Variants in RANBP17 observed in about 807,000 individuals in gnomAD.
RANBP17 encodes ran-binding protein 17.
Under a neutral mutation model 141.2 loss-of-function variants are expected in RANBP17, and 158 were observed. That is an observed-to-expected ratio of 1.12 (90% CI 0.98 to 1.28). RANBP17 has a LOEUF of 1.28. Ranked by LOEUF, RANBP17 falls within the 50% of genes most tolerant of loss-of-function variation. The pLI, the probability that RANBP17 is intolerant of heterozygous loss-of-function variation, is 0.00. For missense variants in RANBP17, 1,438 were observed against 1,290.7 expected (o/e 1.11, Z -1.75); for synonymous variants, 430 against 450.0 (o/e 0.96, Z 0.56).
chr5:170,918,688 C>A (rs371408221), intron 9 of RANBP17, 25 bp from the exon 10 acceptor site: 15 of 1,571,494 alleles, frequency 9.5e-6, no homozygotes, highest in Non-Finnish European at 1.3e-5. Flanking sequence ...TGTTTTTAAG[C>A]CTTTCTTTTT....
At chr5:170,925,666 A>G (rs1183229200) in intron 12 of RANBP17, among the ~76,000 whole-genome samples, 1 of 152,146 alleles carries the variant, frequency 6.6e-6, no homozygotes, top group African/African-American at 2.4e-5. Context: ...ATCAACAGAA[A>G]ATACTTAACA....
At chr5:170,933,985 C>T (rs920499475) in intron 12 of RANBP17, among the ~76,000 whole-genome samples, 2 of 152,004 alleles carry the variant, frequency 1.3e-5, no homozygotes, top group African/African-American at 2.4e-5. Context: ...CTTTCTGTCT[C>T]GTTGATCTGT....
intron 14 of RANBP17, among the ~76,000 whole-genome samples, chr5:171,011,066 C>T (rs1220640917): frequency 1.3e-5 from 2 of 152,020 alleles, no homozygotes; most frequent in African/African-American, 4.8e-5. Context: ...TGAGTCTAAT[C>T]TAACTAATAC....
At chr5:171,269,299 A>G (rs1581156214) in intron 25 of RANBP17, among the ~76,000 whole-genome samples, 1 of 152,286 alleles carries the variant, frequency 6.6e-6, no homozygotes, top group East Asian at 1.9e-4. Flanking sequence ...TCTTCCCTTT[A>G]TGAGGCAGTA....
intron 5 of RANBP17, among the ~76,000 whole-genome samples, chr5:170,907,921 A>G (rs1448772353): frequency 6.6e-6 from 1 of 151,946 alleles, no homozygotes; most frequent in African/African-American, 2.4e-5. Flanking sequence ...AACATGAAGA[A>G]ATGTTCCACA....
At position 171,074,602 on chromosome 5, in the gene RANBP17, G is replaced by A. The variant is rs116627216; in HGVS notation, c.1711-95528G>A. 4.2e-3 allele frequency among the ~76,000 whole-genome samples: 632 copies of A among 152,226 alleles called. 7 individuals carry two copies. The highest frequency in any genetic ancestry group is 0.014 in the African/African-American group (584 of 41,538). On this transcript the variant is annotated intron_variant, in intron 14 of 27. Transcript: ENST00000523189. ...TCTGTACTCTCTTTGCAACTTTCCC[G>A]TAACTTTAAAATTGTTTCAAGACAA...
intron 18 of RANBP17, among the ~76,000 whole-genome samples, chr5:171,187,006 C>T (rs2127931053): frequency 6.6e-6 from 1 of 152,262 alleles, no homozygotes; most frequent in East Asian, 1.9e-4. Flanking sequence ...GTCTTTCTCA[C>T]TAAGGTTAAT....
In RANBP17 at chr5:170,876,367, T is replaced by G. The variant is rs575147591; in HGVS notation, c.19-1730T>G. Among the ~76,000 whole-genome samples, 9 of 152,328 alleles carry G rather than the reference T, an allele frequency of 5.9e-5. No homozygotes were observed. In the East Asian group the frequency reaches 1.7e-3, roughly 29 times the overall value. Reference sequence around the variant, plus strand: ...AGCCTCCGATCGCCACTGCTTCTAGTTGGCCATCTTGACCCCCTATTTTTG... The same window carrying G: ...AGCCTCCGATCGCCACTGCTTCTAGGTGGCCATCTTGACCCCCTATTTTTG... On this transcript the variant is annotated intron_variant, in intron 1 of 27. Transcript: ENST00000523189.
chr5:171,292,977 C>G (rs1244993338), intron 25 of RANBP17, among the ~76,000 whole-genome samples: 1 of 152,234 alleles, frequency 6.6e-6, no homozygotes, highest in Non-Finnish European at 1.5e-5. Context: ...TGGCCCACCT[C>G]TCTTCTCTCC....
chr5:171,250,341 C>A (rs1020450150), intron 24 of RANBP17, among the ~76,000 whole-genome samples: 11 of 152,046 alleles, frequency 7.2e-5, no homozygotes, highest in Non-Finnish European at 1.6e-4. Context: ...GTAAAGCAAT[C>A]ACACAAAGAG....
intron 24 of RANBP17, among the ~76,000 whole-genome samples, chr5:171,245,325 T>G (rs940305068): frequency 6.6e-6 from 1 of 152,176 alleles, no homozygotes; most frequent in Non-Finnish European, 1.5e-5. Flanking sequence ...TTGGTTTTTA[T>G]TTTTTGGAGA....
chr5:171,210,167 C>T (rs765066021), intron 20 of RANBP17, among the ~76,000 whole-genome samples: 1 of 152,182 alleles, frequency 6.6e-6, no homozygotes, highest in Non-Finnish European at 1.5e-5. Flanking sequence ...CCATTCTCTT[C>T]TTCCTACTCA....
chr5:171,259,210 C>CA (rs1233992201), intron 24 of RANBP17, among the ~76,000 whole-genome samples: 3 of 151,924 alleles, frequency 2.0e-5, no homozygotes, highest in South Asian at 2.1e-4. Flanking sequence ...ATTAAAAAGG[C>CA]AAAAAAGAGC....
intron 5 of RANBP17, among the ~76,000 whole-genome samples, chr5:170,898,096 G>T (rs998177717): frequency 6.6e-6 from 1 of 152,048 alleles, no homozygotes; most frequent in East Asian, 1.9e-4. Context: ...TTTAATGATC[G>T]CAATTCTAGC....
chr5:170,915,600 T>C (rs1771886152), intron 8 of RANBP17, among the ~76,000 whole-genome samples: 2 of 152,050 alleles, frequency 1.3e-5, no homozygotes. Flanking sequence ...AAAAAGGGCG[T>C]CATTTGATTT....
At chr5:170,876,352 C>T (rs555222291) in intron 1 of RANBP17, among the ~76,000 whole-genome samples, 4 of 152,094 alleles carry the variant, frequency 2.6e-5, no homozygotes, top group East Asian at 1.9e-4. Context: ...AGCCTCCGAT[C>T]GCCACTGCTT....
intron 14 of RANBP17, among the ~76,000 whole-genome samples, chr5:171,150,146 G>A (rs1376988322): frequency 6.6e-6 from 1 of 152,124 alleles, no homozygotes; most frequent in Non-Finnish European, 1.5e-5. Flanking sequence ...TTTGAAAGTA[G>A]TTGGGAATTT....
intron 14 of RANBP17, among the ~76,000 whole-genome samples, chr5:171,057,781 A>G (rs1485665437): frequency 6.6e-6 from 1 of 152,142 alleles, no homozygotes; most frequent in East Asian, 1.9e-4. Context: ...GAGTGCAAGC[A>G]GGGGTAATGC....
At chr5:171,195,351 A>G (rs76223069) in intron 18 of RANBP17, among the ~76,000 whole-genome samples, 143 of 152,360 alleles carry the variant, frequency 9.4e-4, no homozygotes, top group African/African-American at 3.4e-3. Context: ...TGATACCTGT[A>G]TGGTAATACA....
Sources: allele counts gnomAD v4.1 joint callset (sites outside exome capture counted in the v4.1 genomes callset), GRCh38; gene constraint gnomAD v4.1.1; transcripts MANE v1.5; gene names NCBI Gene and HGNC (gene_info 2026-07-23, HGNC 2026-07-21).